Variants in IHO1 observed in about 807,000 individuals in gnomAD.
IHO1 encodes the protein interactor of HORMAD1 1.
IHO1 carries 13 observed loss-of-function variants against 31.0 expected under a neutral mutation model. The observed-to-expected ratio is 0.42, with a 90% CI of 0.27 to 0.67. The LOEUF (loss-of-function observed/expected upper bound fraction) is 0.67, where lower values mean the gene tolerates loss of function less well. Among genes scored for constraint, IHO1 ranks in the 30% least tolerant of loss-of-function variants. IHO1 has a pLI of 0.24. For missense variants in IHO1, 599 were observed against 687.5 expected, an observed-to-expected ratio of 0.87 and a Z score of 1.44; for synonymous variants, 221 against 248.4, an observed-to-expected ratio of 0.89 and a Z score of 1.04.
chr3:49,217,667 A>T (rs1271166739), intron 2 of IHO1, among the ~76,000 whole-genome samples: 1 of 152,040 alleles, frequency 6.6e-6, no homozygotes, highest in Non-Finnish European at 1.5e-5. Flanking sequence ...AGAAAAAATT[A>T]TACAGCTCAC....
intron 2 of IHO1, among the ~76,000 whole-genome samples, chr3:49,219,503 T>C (rs2046326549): frequency 6.6e-6 from 1 of 152,220 alleles, no homozygotes; most frequent in Non-Finnish European, 1.5e-5. Context: ...TCAATAAATA[T>C]GTGGGTCAAA....
At chr3:49,201,214 C>G (rs1407916812) in intron 1 of IHO1, among the ~76,000 whole-genome samples, 1 of 151,758 alleles carries the variant, frequency 6.6e-6, no homozygotes, top group African/African-American at 2.4e-5. Flanking sequence ...AGGATGGTCT[C>G]GATCTCCTGA....
At chr3:49,219,079 C>G (rs1457274731) in intron 2 of IHO1, among the ~76,000 whole-genome samples, 1 of 152,102 alleles carries the variant, frequency 6.6e-6, no homozygotes, top group African/African-American at 2.4e-5. Context: ...AAGGCTGAGG[C>G]GGATGCATCA....
chr3:49,205,400 C>T (rs2107680506), intron 1 of IHO1, among the ~76,000 whole-genome samples: 1 of 150,858 alleles, frequency 6.6e-6, no homozygotes, highest in South Asian at 2.1e-4. Flanking sequence ...CTCACTGCAA[C>T]CTCTGCCTTC....
chr3:49,200,597 C>G (rs1575561098), intron 1 of IHO1: 1 of 984,624 alleles, frequency 1.0e-6, no homozygotes, highest in Non-Finnish European at 1.2e-6. Context: ...GTCCTCTCCC[C>G]CTCACGTGTT....
At chr3:49,216,157 C>A (rs190902152) in intron 2 of IHO1, among the ~76,000 whole-genome samples, 2 of 152,236 alleles carry the variant, frequency 1.3e-5, no homozygotes, top group East Asian at 3.9e-4. Flanking sequence ...ATGCAGCAGT[C>A]CCTAACCTTT....
chr3:49,210,367 G>T (rs1161991011), intron 1 of IHO1, among the ~76,000 whole-genome samples: 2 of 151,780 alleles, frequency 1.3e-5, no homozygotes, highest in African/African-American at 4.8e-5. Flanking sequence ...CTCCCAAGTA[G>T]GTGGGACTAT....
upstream of IHO1, among the ~76,000 whole-genome samples, chr3:49,194,245 G>A (rs1416561173): frequency 2.2e-5 from 3 of 135,950 alleles, no homozygotes; most frequent in Non-Finnish European, 3.1e-5. Context: ...TCCAGTCTAG[G>A]CAATGAGAGG....
chr3:49,256,527 A>G lies in IHO1; in HGVS notation c.1030A>G (p.Arg344Gly), dbSNP rs138234365. The G allele has an allele frequency of 5.4e-5, 87 of 1,614,182 alleles. No homozygotes were observed. In the African/African-American group the frequency reaches 1.1e-3, roughly 20 times the overall value. ...ACTGCCAGCATTTGGGTCCCATGAA[A>G]GAAATAGGCATGTAAAGGACAAGGT... Reference protein sequence around the residue: ...AALPAFGSHERNRHVKDKVVQ... With the variant: ...AALPAFGSHEGNRHVKDKVVQ... Residue 344 changes from arginine to glycine, a missense_variant, in exon 8 of 8, where the codon AGA becomes GGA. By Grantham distance (125) the Arg-to-Gly change is moderately radical. Coordinates refer to ENST00000452691, the MANE Select transcript of IHO1 (RefSeq NM_001135197.2). The surrounding 1 kb of genome is among the most constrained non-coding windows in gnomAD (Gnocchi z 4.6).
chr3:49,228,524 C>G (rs1041011906), intron 2 of IHO1, among the ~76,000 whole-genome samples: 1 of 152,318 alleles, frequency 6.6e-6, no homozygotes, highest in South Asian at 2.1e-4. Context: ...GAAGGCCCCA[C>G]ATTGGGCGCC....
chr3:49,226,340 C>T (rs569642071), intron 2 of IHO1, among the ~76,000 whole-genome samples: 1 of 152,276 alleles, frequency 6.6e-6, no homozygotes, highest in East Asian at 1.9e-4. Flanking sequence ...GGGTAATAAA[C>T]TTATCTTTTA....
At chr3:49,255,292 A>G (rs1575590216) in intron 6 of IHO1, 98 bp from the exon 7 acceptor site, 1 of 794,040 alleles carries the variant, frequency 1.3e-6, no homozygotes, top group East Asian at 2.9e-5. Flanking sequence ...GTCTGCATCC[A>G]GCTCCTCCCT....
intron 1 of IHO1, among the ~76,000 whole-genome samples, chr3:49,204,405 G>A (rs1459178671): frequency 6.6e-6 from 1 of 152,112 alleles, no homozygotes; most frequent in African/African-American, 2.4e-5. Context: ...GGGTCGGGCT[G>A]TGTCCTGGAA....
chr3:49,209,558 C>T (rs1342591545), intron 1 of IHO1, among the ~76,000 whole-genome samples: 1 of 151,372 alleles, frequency 6.6e-6, no homozygotes, highest in Non-Finnish European at 1.5e-5. Context: ...ATAGCTTGAG[C>T]CCGGGAGGCA....
At chr3:49,221,865 G>A (rs2046359219) in intron 2 of IHO1, among the ~76,000 whole-genome samples, 1 of 152,242 alleles carries the variant, frequency 6.6e-6, no homozygotes, top group Non-Finnish European at 1.5e-5. Context: ...CAACTCCAGA[G>A]GCTGGTATAA....
At chr3:49,224,359 C>G (rs1476872463) in intron 2 of IHO1, among the ~76,000 whole-genome samples, 1 of 152,214 alleles carries the variant, frequency 6.6e-6, no homozygotes, top group African/African-American at 2.4e-5. Context: ...CCTCACCTTT[C>G]TGATGGCTTT....
chr3:49,233,388 A>G (rs1413432306), intron 2 of IHO1, among the ~76,000 whole-genome samples: 3 of 152,258 alleles, frequency 2.0e-5, no homozygotes, highest in Admixed American at 6.5e-5. Flanking sequence ...GACACTCTAC[A>G]AACTTGTCTT....
chr3:49,205,230 C>T (rs2046119585), intron 1 of IHO1, among the ~76,000 whole-genome samples: 1 of 152,124 alleles, frequency 6.6e-6, no homozygotes, highest in South Asian at 2.1e-4. Flanking sequence ...TGGATATTGC[C>T]ATGGCATTTG....
intron 2 of IHO1, among the ~76,000 whole-genome samples, chr3:49,220,650 T>A (rs534497897): frequency 6.6e-5 from 10 of 152,140 alleles, no homozygotes; most frequent in East Asian, 3.9e-4. Context: ...GGGCGGATCA[T>A]GAGGTCAGGA....
Sources: gnomAD v4.1 joint callset for allele counts (sites outside exome capture counted in the v4.1 genomes callset) on GRCh38, gnomAD v4.1.1 for gene constraint, Gnocchi (gnomAD v3.1) non-coding constraint, MANE v1.5 for transcripts, NCBI Gene and HGNC (gene_info 2026-07-23, HGNC 2026-07-21) for gene names.